The following MORN4 variants were observed in gnomAD, a reference collection of about 807,000 sequenced individuals.
The protein encoded by MORN4 is MORN repeat-containing protein 4.
A neutral mutation model predicts 16.4 loss-of-function variants in MORN4; 8 were observed. The ratio of observed to expected loss-of-function variants is 0.49; its 90% CI spans 0.29 to 0.88. The LOEUF (loss-of-function observed/expected upper bound fraction) is 0.88. MORN4 is among the 40% of genes least tolerant of loss of function. The pLI is 0.09. For missense variants in MORN4, 159 were observed against 182.9 expected (o/e 0.87, Z 0.75); for synonymous variants, 53 against 68.9 (o/e 0.77, Z 1.14).
upstream of MORN4, chr10:97,633,586 A>C (rs2041416854): frequency 7.8e-7 from 1 of 1,289,658 alleles, no homozygotes; most frequent in Non-Finnish European, 1.0e-6. The surrounding 1 kb of genome is among the most constrained non-coding windows in gnomAD (Gnocchi z 4.5). Flanking sequence ...GCTCCACGCC[A>C]TCTTTGTGCG....
chr10:97,630,612 G>A (rs565903324), intron 1 of MORN4, among the ~76,000 whole-genome samples: 117 of 152,340 alleles, frequency 7.7e-4, no homozygotes, highest in African/African-American at 2.6e-3. Context: ...GGGAATGTGT[G>A]TAGAATCCAT....
intron 1 of MORN4, among the ~76,000 whole-genome samples, chr10:97,632,555 A>G (rs1433989196): frequency 1.3e-5 from 2 of 152,112 alleles, no homozygotes; most frequent in Non-Finnish European, 2.9e-5. Flanking sequence ...GGAGCTCGAA[A>G]TAACTGTTTT....
chr10:97,616,159 T>C lies in MORN4; in HGVS notation c.*104A>G. ...GGCACATACAAGGCCTCTGCTCCAC[T>C]GTCATTGTCAACTCATCTCAGCTCT... On this transcript the variant is annotated 3_prime_UTR_variant, in exon 5 of 5. Transcript: ENST00000307450. 1 of 1,245,884 alleles carries C rather than the reference T, an allele frequency of 8.0e-7. No individual in the cohort carries two copies. Among genetic ancestry groups the C allele is most frequent in the Non-Finnish European group, 1.1e-6 (1 of 921,600 alleles). 77.2% of individuals were successfully genotyped at this position (1,245,884 alleles called of 1,614,324 possible).
intron 1 of MORN4, among the ~76,000 whole-genome samples, chr10:97,624,478 T>C (rs2041331226): frequency 6.6e-6 from 1 of 152,172 alleles, no homozygotes; most frequent in Non-Finnish European, 1.5e-5. Context: ...AGTAGTGTGA[T>C]TGTGATTAGA....
intron 1 of MORN4, among the ~76,000 whole-genome samples, chr10:97,624,641 C>T (rs1180292816): frequency 6.6e-6 from 1 of 152,192 alleles, no homozygotes; most frequent in African/African-American, 2.4e-5. Context: ...TGGTCCCGAA[C>T]TCCTGGCCTC....
chr10:97,623,295 A>G (rs186795965), intron 1 of MORN4, among the ~76,000 whole-genome samples: 135 of 152,302 alleles, frequency 8.9e-4, no homozygotes, highest in Non-Finnish European at 2.1e-4. Flanking sequence ...AAAGTCCTCT[A>G]TCAACCAAGC....
intron 1 of MORN4, among the ~76,000 whole-genome samples, chr10:97,621,801 G>A (rs2041296333): frequency 6.6e-6 from 1 of 152,062 alleles, no homozygotes; most frequent in Non-Finnish European, 1.5e-5. Flanking sequence ...GGAGGCAGAG[G>A]TTGCAGTAAG....
In MORN4 at chr10:97,633,273, T is replaced by C. The variant is rs2041412962; in HGVS notation, c.-31+74A>G. On this transcript the variant is annotated intron_variant, in intron 1 of 4. Transcript: ENST00000307450. The surrounding 1 kb of genome is among the most constrained non-coding windows in gnomAD (Gnocchi z 4.5). ...CGCGCCCCCGAGCCGGGTCATCTCG[T>C]GCTCCGTTCCTCAGTGCCCACCTGA... 7.9e-7 allele frequency: 1 copy of C among 1,262,246 alleles called. No homozygotes were observed. The highest frequency in any genetic ancestry group is 1.0e-6 in the Non-Finnish European group (1 of 973,380). The allele number at this position is 1,262,246 out of a possible 1,614,324, so 78.2% of individuals were successfully genotyped here. A position where few individuals can be genotyped will look rare whatever the true frequency, so the allele number is the denominator to read the frequency against.
intron 1 of MORN4, among the ~76,000 whole-genome samples, chr10:97,631,912 C>T (rs117390623): frequency 0.021 from 3,240 of 152,044 alleles, 142 homozygotes; most frequent in East Asian, 0.13. Context: ...TGTACTCCAG[C>T]CTGGGCAACA....
intron 2 of MORN4, among the ~76,000 whole-genome samples, chr10:97,618,755 A>G (rs957048821): frequency 6.6e-6 from 1 of 150,888 alleles, no homozygotes; most frequent in Middle Eastern, 3.2e-3. Context: ...AGATTTGCCC[A>G]GTAGCTTTAA....
At chr10:97,625,403 T>C (rs1411080270) in intron 1 of MORN4, among the ~76,000 whole-genome samples, 5 of 152,160 alleles carry the variant, frequency 3.3e-5, no homozygotes, top group Admixed American at 3.3e-4. Flanking sequence ...AGTTGGCAGG[T>C]GGATTAAATT....
intron 1 of MORN4, among the ~76,000 whole-genome samples, chr10:97,627,799 A>G (rs2041361393): frequency 6.6e-6 from 1 of 151,998 alleles, no homozygotes; most frequent in South Asian, 2.1e-4. Context: ...ACTCCCTCCA[A>G]ACCTCTGGGA....
chr10:97,632,874 G>C (rs1455984768), intron 1 of MORN4, among the ~76,000 whole-genome samples: 2 of 152,000 alleles, frequency 1.3e-5, no homozygotes, highest in Non-Finnish European at 2.9e-5. Context: ...CTAGAATGCA[G>C]GGATACCACC....
chr10:97,625,990 G>T (rs1378044334), intron 1 of MORN4, among the ~76,000 whole-genome samples: 1 of 151,582 alleles, frequency 6.6e-6, no homozygotes, highest in Non-Finnish European at 1.5e-5. Flanking sequence ...CAAACTCCTA[G>T]CCTCAAGCAA....
intron 1 of MORN4, among the ~76,000 whole-genome samples, chr10:97,630,288 T>C (rs1293540491): frequency 6.6e-6 from 1 of 151,878 alleles, no homozygotes; most frequent in Non-Finnish European, 1.5e-5. Flanking sequence ...AGGATGGTCT[T>C]GATCTCCTGA....
intron 1 of MORN4, among the ~76,000 whole-genome samples, chr10:97,630,367 A>G (rs1442700209): frequency 4.6e-5 from 7 of 152,136 alleles, no homozygotes; most frequent in Non-Finnish European, 1.0e-4. Context: ...GCGCCTGGCC[A>G]CAGTATGGGT....
chr10:97,623,648 TC>T, intron 1 of MORN4, among the ~76,000 whole-genome samples: 1 of 151,872 alleles, frequency 6.6e-6, no homozygotes, highest in East Asian at 2.0e-4. Flanking sequence ...GTTCAAGAGA[TC>T]CTCCAATCCC....
intron 1 of MORN4, among the ~76,000 whole-genome samples, chr10:97,620,508 GAAAAA>G (rs796870489): frequency 3.4e-5 from 3 of 88,328 alleles, no homozygotes; most frequent in South Asian, 3.4e-4. Flanking sequence ...AAAAAAAAAA[GAAAAA>G]AAAAAGAAAA....
chr10:97,624,737 C>T (rs927993278), intron 1 of MORN4, among the ~76,000 whole-genome samples: 2 of 151,964 alleles, frequency 1.3e-5, no homozygotes, highest in East Asian at 3.8e-4. Context: ...GTTTTTGAGA[C>T]GGAGTTTCAC....
Sources: allele counts gnomAD v4.1 joint callset (sites outside exome capture counted in the v4.1 genomes callset), GRCh38; gene constraint gnomAD v4.1.1; non-coding constraint Gnocchi (gnomAD v3.1); transcripts MANE v1.5; gene names NCBI Gene and HGNC (gene_info 2026-07-23, HGNC 2026-07-21).